ST6GALNAC3: variants seen among roughly 807,000 people sequenced by gnomAD.
The protein encoded by ST6GALNAC3 is alpha-N-acetylgalactosaminide alpha-2,6-sialyltransferase 3.
In ST6GALNAC3, 25 loss-of-function variants were observed where a neutral mutation model predicts 32.7. The observed-to-expected ratio is 0.76, with a 90% CI of 0.56 to 1.07. The LOEUF is 1.07. Ranked by LOEUF, ST6GALNAC3 falls within the 50% of genes least tolerant of loss-of-function variation. ST6GALNAC3 has a pLI of 0.00. For synonymous variants in ST6GALNAC3, 129 were observed against 133.1 expected (o/e 0.97, Z 0.21); for missense variants, 355 against 382.4 (o/e 0.93, Z 0.60).
intron 3 of ST6GALNAC3, among the ~76,000 whole-genome samples, chr1:76,568,159 G>T (rs188232355): frequency 1.3e-5 from 2 of 152,262 alleles, no homozygotes; most frequent in African/African-American, 4.8e-5. Flanking sequence ...ATTCCATCTT[G>T]TATCATTCCA....
chr1:76,552,810 T>C (rs74091303), intron 3 of ST6GALNAC3, among the ~76,000 whole-genome samples: 5,104 of 152,296 alleles, frequency 0.034, 295 homozygotes, highest in African/African-American at 0.12. Context: ...ATCCTTATCT[T>C]ATTCTAACCC....
intron 1 of ST6GALNAC3, among the ~76,000 whole-genome samples, chr1:76,248,192 C>T (rs573663285): frequency 2.0e-5 from 3 of 152,268 alleles, no homozygotes; most frequent in African/African-American, 7.2e-5. Flanking sequence ...ACTGGAAATG[C>T]AGGAATCACC....
intron 3 of ST6GALNAC3, among the ~76,000 whole-genome samples, chr1:76,590,973 G>T (rs1467715795): frequency 6.6e-6 from 1 of 151,986 alleles, no homozygotes; most frequent in Non-Finnish European, 1.5e-5. Context: ...CTTATGGTTT[G>T]GAAAAAGAAA....
At chr1:76,519,677 T>C (rs547081487) in intron 3 of ST6GALNAC3, among the ~76,000 whole-genome samples, 3 of 152,240 alleles carry the variant, frequency 2.0e-5, no homozygotes, top group African/African-American at 7.2e-5. Flanking sequence ...TTTTTCATAC[T>C]TTTCAACCCT....
chr1:76,409,879 T>A (rs191062346), intron 2 of ST6GALNAC3, among the ~76,000 whole-genome samples: 1 of 152,214 alleles, frequency 6.6e-6, no homozygotes, highest in African/African-American at 2.4e-5. Context: ...CTTTACTAAT[T>A]AGGGGGAAAA....
chr1:76,497,235 G>A (rs546328772), intron 3 of ST6GALNAC3, among the ~76,000 whole-genome samples: 1 of 152,274 alleles, frequency 6.6e-6, no homozygotes, highest in Non-Finnish European at 1.5e-5. Context: ...GGTCAGGAGT[G>A]AGACATAACG....
At chr1:76,528,460 C>G (rs955509838) in intron 3 of ST6GALNAC3, among the ~76,000 whole-genome samples, 1 of 152,128 alleles carries the variant, frequency 6.6e-6, no homozygotes, top group Non-Finnish European at 1.5e-5. Context: ...CCTGTACTAT[C>G]TCAATCCTCA....
intron 3 of ST6GALNAC3, among the ~76,000 whole-genome samples, chr1:76,597,811 C>T (rs529540694): frequency 5.9e-5 from 9 of 152,060 alleles, no homozygotes; most frequent in South Asian, 2.1e-4. Context: ...GGGTCTACAC[C>T]GTTTCCAATG....
At chr1:76,219,967 G>A (rs1655675711) in intron 1 of ST6GALNAC3, among the ~76,000 whole-genome samples, 2 of 152,170 alleles carry the variant, frequency 1.3e-5, no homozygotes, top group African/African-American at 4.8e-5. Context: ...TTGTTATAGA[G>A]AGGGTACACA....
chr1:76,481,141 T>C (rs544676333), intron 3 of ST6GALNAC3, among the ~76,000 whole-genome samples: 1 of 152,292 alleles, frequency 6.6e-6, no homozygotes, highest in Non-Finnish European at 1.5e-5. Context: ...CATAGTGTCA[T>C]TTTCCAGCAT....
chr1:76,142,750 C>A, intron 1 of ST6GALNAC3: 1 of 415,968 alleles, frequency 2.4e-6, no homozygotes, highest in East Asian at 7.2e-5. Context: ...GAGCGTCCAG[C>A]TGTGGTTATC....
chr1:76,631,193 T>C lies in ST6GALNAC3; in HGVS notation c.*2387T>C, dbSNP rs2100740683. The C allele has an allele frequency of 1.0e-5, 2 of 198,950 alleles. No homozygotes were observed. Among genetic ancestry groups the C allele is most frequent in the South Asian group, 3.5e-4 (2 of 5,678 alleles). The allele number at this position is 198,950 out of a possible 1,614,324, so 12.3% of individuals were successfully genotyped here. Reference sequence around the variant, plus strand: ...AGGGGTGGGAAAGGGCTTTCTTTCCTCTCCTCTCCTCTCGTCTCCTCTTTC... The same window carrying C: ...AGGGGTGGGAAAGGGCTTTCTTTCCCCTCCTCTCCTCTCGTCTCCTCTTTC... On this transcript the variant is annotated 3_prime_UTR_variant, in exon 5 of 5. Coordinates refer to ENST00000328299, the MANE Select transcript of ST6GALNAC3 (RefSeq NM_152996.4).
chr1:76,443,198 C>T (rs561205031), intron 3 of ST6GALNAC3, among the ~76,000 whole-genome samples: 1 of 152,184 alleles, frequency 6.6e-6, no homozygotes, highest in East Asian at 1.9e-4. Context: ...TCTGTCCAAG[C>T]TGTAGTGCAG....
intron 2 of ST6GALNAC3, among the ~76,000 whole-genome samples, chr1:76,402,278 C>A (rs1174533142): frequency 6.6e-6 from 1 of 152,116 alleles, no homozygotes; most frequent in African/African-American, 2.4e-5. Flanking sequence ...ACATTCTTCT[C>A]CTTATTCCTA....
At chr1:76,322,666 C>T (rs893222232) in intron 2 of ST6GALNAC3, among the ~76,000 whole-genome samples, 8 of 152,092 alleles carry the variant, frequency 5.3e-5, no homozygotes, top group African/African-American at 1.4e-4. Flanking sequence ...AAGCCTTATT[C>T]ACAAAAGAAA....
At chr1:76,092,992 T>A (rs1285716933) in intron 1 of ST6GALNAC3, among the ~76,000 whole-genome samples, 1 of 152,232 alleles carries the variant, frequency 6.6e-6, no homozygotes, top group East Asian at 1.9e-4. Flanking sequence ...GCAGGTGGTT[T>A]GACTCATGTC....
intron 1 of ST6GALNAC3, among the ~76,000 whole-genome samples, chr1:76,221,296 G>A (rs1053164045): frequency 3.3e-5 from 5 of 152,122 alleles, no homozygotes; most frequent in African/African-American, 1.2e-4. Flanking sequence ...ATAAACTTAC[G>A]TTTTATGGAG....
chr1:76,434,029 G>A (rs746314034), intron 3 of ST6GALNAC3, among the ~76,000 whole-genome samples: 14 of 152,114 alleles, frequency 9.2e-5, no homozygotes, highest in Non-Finnish European at 1.3e-4. Context: ...TAAGTTGCAT[G>A]ACAAATGCTG....
intron 3 of ST6GALNAC3, among the ~76,000 whole-genome samples, chr1:76,561,478 C>T (rs577845624): frequency 6.6e-6 from 1 of 152,064 alleles, no homozygotes; most frequent in South Asian, 2.1e-4. Flanking sequence ...TAGTAGCCAT[C>T]TCCCGAAAGA....
Sources: gnomAD v4.1 joint callset for allele counts (sites outside exome capture counted in the v4.1 genomes callset) on GRCh38, gnomAD v4.1.1 for gene constraint, MANE v1.5 for transcripts, NCBI Gene and HGNC (gene_info 2026-07-23, HGNC 2026-07-21) for gene names.